Variants in MTUS2 observed in about 807,000 individuals in gnomAD.
The protein encoded by MTUS2 is microtubule associated scaffold protein 2, also known as microtubule-associated tumor suppressor candidate 2.
MTUS2 carries 40 observed loss-of-function variants against 114.1 expected under a neutral mutation model. That is an observed-to-expected ratio of 0.35 (90% confidence interval 0.27 to 0.46). The LOEUF (loss-of-function observed/expected upper bound fraction) is 0.46, where lower values mean the gene tolerates loss of function less well. Ranked by LOEUF, MTUS2 falls within the 20% of genes least tolerant of loss-of-function variation. The pLI, the probability that MTUS2 is intolerant of heterozygous loss-of-function variation, is 1.00. For synonymous variants in MTUS2, 688 were observed against 672.0 expected (o/e 1.02, Z -0.37); for missense variants, 1,679 against 1,705.4 (o/e 0.98, Z 0.27).
chr13:29,373,900 A>G (rs529460319), intron 8 of MTUS2, among the ~76,000 whole-genome samples: 18 of 152,378 alleles, frequency 1.2e-4, no homozygotes, highest in Non-Finnish European at 1.8e-4. Flanking sequence ...CAGTAAAACC[A>G]TGATGACACA....
At chr13:29,048,536 A>G (rs1244498407) in intron 4 of MTUS2, among the ~76,000 whole-genome samples, 1 of 152,202 alleles carries the variant, frequency 6.6e-6, no homozygotes, top group East Asian at 1.9e-4. Flanking sequence ...TGGCAAGATA[A>G]TGGCTCACTG....
chr13:29,294,231 T>C (rs1324647544), intron 6 of MTUS2, among the ~76,000 whole-genome samples: 1 of 152,152 alleles, frequency 6.6e-6, no homozygotes, highest in African/African-American at 2.4e-5. Flanking sequence ...GGGTATGATT[T>C]TTTTCATACC....
At chr13:29,231,589 A>T (rs1593197287) in intron 5 of MTUS2, among the ~76,000 whole-genome samples, 1 of 152,352 alleles carries the variant, frequency 6.6e-6, no homozygotes, top group South Asian at 2.1e-4. Context: ...TTCAGGATAC[A>T]CGATTACAGC....
At chr13:29,160,115 A>G (rs1029047220) in intron 5 of MTUS2, among the ~76,000 whole-genome samples, 101 of 152,200 alleles carry the variant, frequency 6.6e-4, no homozygotes, top group African/African-American at 2.4e-3. Flanking sequence ...CCGTGGGCAC[A>G]TGATTAAACA....
At chr13:29,092,118 C>T (rs917895076) in intron 4 of MTUS2, among the ~76,000 whole-genome samples, 5 of 152,186 alleles carry the variant, frequency 3.3e-5, no homozygotes, top group Admixed American at 2.0e-4. Flanking sequence ...GGTTGGGTTC[C>T]CAGTGAAACC....
At chr13:29,188,636 C>A (rs1046068431) in intron 5 of MTUS2, among the ~76,000 whole-genome samples, 2 of 152,204 alleles carry the variant, frequency 1.3e-5, no homozygotes, top group African/African-American at 4.8e-5. Flanking sequence ...GACCCTCAGG[C>A]CACTGCTGTG....
At chr13:29,488,907 C>G (rs924235906) in intron 11 of MTUS2, among the ~76,000 whole-genome samples, 1 of 152,216 alleles carries the variant, frequency 6.6e-6, no homozygotes, top group Non-Finnish European at 1.5e-5. Context: ...TTTACACTTT[C>G]ACATGCATTT....
In MTUS2 at chr13:29,380,804, T is replaced by C. The variant is rs1315664448; in HGVS notation, c.3117+21331T>C. On this transcript the variant is annotated intron_variant, in intron 8 of 15. Transcript: ENST00000612955. ...GGTGGCGGGCACCTGTAGTCCCAGC[T>C]ACTCGGGAGGCTGAGGCAGGAGAAT... Among the ~76,000 whole-genome samples, 4 of 61,116 alleles carry C rather than the reference T, an allele frequency of 6.5e-5. 2 individuals carry two copies. Among genetic ancestry groups the C allele is most frequent in the Admixed American group, 4.2e-4 (2 of 4,762 alleles). The allele number at this position is 61,116 out of a possible 152,430, so 40.1% of individuals were successfully genotyped here.
Position 29,243,499 on chromosome 13 carries a change from TG to T in MTUS2, c.2645-38203del, listed in dbSNP as rs893111391. On this transcript the variant is annotated intron_variant, in intron 5 of 15. Transcript: ENST00000612955. ...AAGACTGGCAAGGTCGGAAGCCAGTTGGTAGTGGATTTAGAAATTAATGGGC... is the reference window on the plus strand; with the variant it reads ...AAGACTGGCAAGGTCGGAAGCCAGTTGTAGTGGATTTAGAAATTAATGGGC... 1.2e-3 allele frequency among the ~76,000 whole-genome samples: 190 copies of T among 152,238 alleles called. 1 individual carries two copies. The highest frequency in any genetic ancestry group is 1.9e-3 in the Non-Finnish European group (127 of 68,010).
intron 8 of MTUS2, among the ~76,000 whole-genome samples, chr13:29,414,908 C>T (rs1282608674): frequency 6.7e-6 from 1 of 149,986 alleles, no homozygotes; most frequent in Admixed American, 6.6e-5. Flanking sequence ...TTATATTTTA[C>T]TTATGAAAGT....
intron 2 of MTUS2, among the ~76,000 whole-genome samples, chr13:28,865,495 T>A (rs1258896984): frequency 6.6e-6 from 1 of 152,180 alleles, no homozygotes; most frequent in Non-Finnish European, 1.5e-5. Context: ...TCTCAGCCAT[T>A]TGTGCTTCCA....
intron 5 of MTUS2, among the ~76,000 whole-genome samples, chr13:29,221,462 A>T (rs888990674): frequency 5.3e-5 from 8 of 152,100 alleles, no homozygotes; most frequent in African/African-American, 1.9e-4. Flanking sequence ...TCAGTTTCTG[A>T]TTATTAGCCT....
intron 5 of MTUS2, among the ~76,000 whole-genome samples, chr13:29,190,604 G>T (rs948874587): frequency 1.3e-5 from 2 of 152,266 alleles, no homozygotes; most frequent in Non-Finnish European, 2.9e-5. Context: ...GTAGGCACAG[G>T]TGAGTGCAGG....
At chr13:28,832,662 T>C (rs1874775812) in intron 1 of MTUS2, among the ~76,000 whole-genome samples, 1 of 147,870 alleles carries the variant, frequency 6.8e-6, no homozygotes, top group Admixed American at 6.8e-5. Flanking sequence ...ATATTAAAAT[T>C]GTATATATTT....
intron 4 of MTUS2, among the ~76,000 whole-genome samples, chr13:29,063,263 A>G (rs1472403028): frequency 6.6e-6 from 1 of 152,204 alleles, no homozygotes; most frequent in Admixed American, 6.5e-5. Flanking sequence ...GTTAACCTGT[A>G]CAGTGTACAG....
intron 8 of MTUS2, among the ~76,000 whole-genome samples, chr13:29,372,134 C>T (rs1348744363): frequency 1.3e-5 from 2 of 150,752 alleles, no homozygotes; most frequent in Non-Finnish European, 2.9e-5. Flanking sequence ...ATCAATTGTA[C>T]CTCAATAAAG....
intron 8 of MTUS2, 141 bp from the exon 9 acceptor site, chr13:29,439,842 A>C: frequency 1.4e-6 from 1 of 705,298 alleles, no homozygotes; most frequent in Non-Finnish European, 2.4e-6. Flanking sequence ...AAGTTTTTAC[A>C]TGCTTATATA....
chr13:29,157,494 A>C (rs1381342072), intron 5 of MTUS2, among the ~76,000 whole-genome samples: 1 of 152,156 alleles, frequency 6.6e-6, no homozygotes. Context: ...GTTTGTGTCA[A>C]CGTTGACCCA....
chr13:29,185,992 A>T (rs1221247368), intron 5 of MTUS2, among the ~76,000 whole-genome samples: 1 of 152,190 alleles, frequency 6.6e-6, no homozygotes, highest in Non-Finnish European at 1.5e-5. Flanking sequence ...GAATCACTTG[A>T]GCACAGGAGT....
Sources: gnomAD v4.1 joint callset for allele counts (sites outside exome capture counted in the v4.1 genomes callset) on GRCh38, gnomAD v4.1.1 for gene constraint, MANE v1.5 for transcripts, NCBI Gene and HGNC (gene_info 2026-07-23, HGNC 2026-07-21) for gene names.